CEP55: variants seen among roughly 807,000 people sequenced by gnomAD.
CEP55 encodes centrosomal protein of 55 kDa.
A neutral mutation model predicts 63.2 loss-of-function variants in CEP55; 57 were observed. The observed-to-expected ratio is 0.90, with a 90% CI of 0.73 to 1.13. The LOEUF (loss-of-function observed/expected upper bound fraction) is 1.13. CEP55 is among the 50% of genes most tolerant of loss of function. CEP55 has a pLI of 0.00. For synonymous variants in CEP55, 178 were observed against 191.6 expected, an observed-to-expected ratio of 0.93 and a Z score of 0.59; for missense variants, 456 against 518.9, an observed-to-expected ratio of 0.88 and a Z score of 1.18.
intron 5 of CEP55, 99 bp downstream of exon 5, chr10:93,515,654 G>A (rs2057796849): frequency 8.1e-7 from 1 of 1,240,006 alleles, no homozygotes; most frequent in Non-Finnish European, 1.1e-6. Flanking sequence ...GTGTTAGAAA[G>A]TAAAATAAGA....
At chr10:93,518,732 A>G in intron 6 of CEP55, 145 bp from the exon 7 acceptor site, 1 of 566,074 alleles carries the variant, frequency 1.8e-6, no homozygotes, top group Non-Finnish European at 3.2e-6. Context: ...TAGCCATCAG[A>G]TGGCCAGCTG....
At chr10:93,524,109 T>C (rs1473223431) in intron 8 of CEP55, among the ~76,000 whole-genome samples, 1 of 151,812 alleles carries the variant, frequency 6.6e-6, no homozygotes, top group African/African-American at 2.4e-5. Flanking sequence ...CTGAAGGAGA[T>C]AGAGACACAA....
intron 4 of CEP55, among the ~76,000 whole-genome samples, chr10:93,513,362 G>A (rs1444296769): frequency 6.6e-6 from 1 of 152,168 alleles, no homozygotes; most frequent in Non-Finnish European, 1.5e-5. Context: ...GCCTAACAAA[G>A]CTTAGAGAAA....
intron 5 of CEP55, among the ~76,000 whole-genome samples, 189 bp from the exon 6 acceptor site, chr10:93,516,746 T>G (rs2057807273): frequency 6.6e-6 from 1 of 152,240 alleles, no homozygotes; most frequent in African/African-American, 2.4e-5. Flanking sequence ...TTGTGAGTTT[T>G]ATAACTTCAA....
intron 4 of CEP55, among the ~76,000 whole-genome samples, chr10:93,509,913 C>T (rs1425394959): frequency 6.6e-6 from 1 of 152,206 alleles, no homozygotes; most frequent in Non-Finnish European, 1.5e-5. Flanking sequence ...AGACATCTCA[C>T]TTCTTGCAGC....
intron 1 of CEP55, among the ~76,000 whole-genome samples, chr10:93,497,355 T>G (rs2057582063): frequency 6.6e-6 from 1 of 152,198 alleles, no homozygotes; most frequent in Non-Finnish European, 1.5e-5. Context: ...AACCTCTGCC[T>G]CCTGGGTTCA....
At chr10:93,501,618 G>A (rs530193440) in intron 2 of CEP55, among the ~76,000 whole-genome samples, 1 of 152,004 alleles carries the variant, frequency 6.6e-6, no homozygotes, top group African/African-American at 2.4e-5. Flanking sequence ...AGTGAGCCAA[G>A]ATCGCACCAC....
chr10:93,502,339 T>C (rs759489462), intron 2 of CEP55, among the ~76,000 whole-genome samples: 2 of 152,202 alleles, frequency 1.3e-5, no homozygotes, highest in Non-Finnish European at 2.9e-5. Flanking sequence ...TGGCCAACTA[T>C]AATCTCCTCA....
intron 4 of CEP55, among the ~76,000 whole-genome samples, chr10:93,512,952 T>C (rs1381935818): frequency 6.6e-6 from 1 of 152,194 alleles, no homozygotes; most frequent in African/African-American, 2.4e-5. Flanking sequence ...ATGTCAAACA[T>C]ACACAAAAGT....
At position 93,500,281 on chromosome 10, in the gene CEP55, G is replaced by C. The variant is rs147010958; in HGVS notation, c.183+47G>C. 4.3e-4 allele frequency: 612 copies of C among 1,439,304 alleles called. 4 individuals carry two copies. In the African/African-American group the frequency reaches 7.8e-3, roughly 18 times the overall value. 89.2% of individuals were successfully genotyped at this position (1,439,304 alleles called of 1,614,324 possible). On this transcript the variant is annotated intron_variant, in intron 2 of 8. Coordinates refer to ENST00000371485, the MANE Select transcript of CEP55 (RefSeq NM_018131.5). ...TAAATTGTAAGCTCTCCAAGAAAGC[G>C]ATGCATGAAGATTTCCTGATGCTAC... is the stretch of plus-strand genomic sequence containing the variant.
rs866488106 is a variant in CEP55 at position 93,518,949 on chromosome 10, G to T, written c.1065+1G>T. Reference sequence around the variant, plus strand: ...AAGGGTAGCTCTGTTGGAACAACAGGTACTCATTCGGGTTGCTTCTAAATT... The same window carrying T: ...AAGGGTAGCTCTGTTGGAACAACAGTTACTCATTCGGGTTGCTTCTAAATT... On this transcript the variant is annotated splice_donor_variant, in intron 7 of 8. Coordinates refer to ENST00000371485, the MANE Select transcript of CEP55 (RefSeq NM_018131.5). LOFTEE classifies it high-confidence loss of function. The T allele has an allele frequency of 6.2e-7, 1 of 1,610,002 alleles. No homozygotes were observed. Among genetic ancestry groups the T allele is most frequent in the South Asian group, 1.1e-5 (1 of 90,972 alleles).
intron 8 of CEP55, among the ~76,000 whole-genome samples, chr10:93,522,286 G>A (rs963544976): frequency 2.6e-5 from 4 of 152,230 alleles, no homozygotes; most frequent in South Asian, 2.1e-4. Flanking sequence ...ACAACATGAC[G>A]AATGCACAAG....
chr10:93,508,873 C>G (rs1451379747), intron 4 of CEP55, among the ~76,000 whole-genome samples: 9 of 152,206 alleles, frequency 5.9e-5, no homozygotes, highest in Admixed American at 5.9e-4. Flanking sequence ...TCATCACATT[C>G]TACAGCTAAA....
At chr10:93,519,917 A>G (rs1445386624) in intron 8 of CEP55, 110 bp downstream of exon 8, 9 of 1,198,044 alleles carry the variant, frequency 7.5e-6, no homozygotes, top group Non-Finnish European at 1.1e-5. Flanking sequence ...TGTATCTCAA[A>G]TCAGTAGGTA....
intron 1 of CEP55, among the ~76,000 whole-genome samples, chr10:93,498,387 A>G (rs1185625572): frequency 6.6e-6 from 1 of 152,154 alleles, no homozygotes; most frequent in African/African-American, 2.4e-5. Context: ...TTTCTGTCCT[A>G]CGACCCACGA....
intron 2 of CEP55, among the ~76,000 whole-genome samples, chr10:93,502,762 C>G (rs1424990083): frequency 6.6e-6 from 1 of 152,184 alleles, no homozygotes; most frequent in Non-Finnish European, 1.5e-5. Context: ...TTAGTTTTTA[C>G]AAGATCCAGT....
rs771448083 is a variant in CEP55 at position 93,517,061 on chromosome 10, A to G, written c.806A>G (p.Tyr269Cys). 29 of 1,614,014 alleles carry G rather than the reference A, an allele frequency of 1.8e-5. No individual in the cohort carries two copies. Among genetic ancestry groups the G allele is most frequent in the Non-Finnish European group, 2.5e-5 (29 of 1,179,994 alleles). Residue 269 changes from tyrosine (Y) to cysteine (C), a missense_variant, in exon 6 of 9, where the codon TAT (tyrosine) becomes TGT (cysteine). Coordinates refer to ENST00000371485, the MANE Select transcript of CEP55 (RefSeq NM_018131.5). ...SFELSEFRRK[Y>C]EETQKEVHNL... is the part of the protein sequence containing the mutation. ...GAACTGAGTGAATTTCGAAGAAAAT[A>G]TGAAGAAACCCAAAAAGAAGTTCAC...
At chr10:93,497,033 C>G (rs1324074671) in intron 1 of CEP55, 110 bp downstream of exon 1, 1 of 151,828 alleles carries the variant, frequency 6.6e-6, no homozygotes, top group Non-Finnish European at 1.5e-5. Context: ...GTGTGTTCCT[C>G]AAACATCTTT....
intron 2 of CEP55, among the ~76,000 whole-genome samples, chr10:93,500,490 T>G (rs2057622363): frequency 6.6e-6 from 1 of 152,226 alleles, no homozygotes; most frequent in Admixed American, 6.5e-5. Context: ...GGTACTAAGT[T>G]TGTTCTGGAA....
Sources: allele counts gnomAD v4.1 joint callset (sites outside exome capture counted in the v4.1 genomes callset), GRCh38; gene constraint gnomAD v4.1.1; transcripts MANE v1.5; gene names NCBI Gene and HGNC (gene_info 2026-07-23, HGNC 2026-07-21).